Variants in CDK17 observed in about 807,000 individuals in gnomAD.
CDK17 encodes cyclin-dependent kinase 17.
Under a neutral mutation model 77.6 loss-of-function variants are expected in CDK17, and 24 were observed. The observed-to-expected ratio is 0.31, with a 90% confidence interval of 0.22 to 0.44. The LOEUF is 0.44. Among genes scored for constraint, CDK17 ranks in the 20% least tolerant of loss-of-function variants. The probability of loss-of-function intolerance (pLI) is 1.00; values close to 1 mark genes in which losing one functional copy is unlikely to be tolerated. For missense variants in CDK17, 429 were observed against 622.5 expected, an observed-to-expected ratio of 0.69 and a Z score of 3.31; for synonymous variants, 203 against 210.4, an observed-to-expected ratio of 0.96 and a Z score of 0.30.
chr12:96,378,984 A>G (rs1341964034), intron 1 of CDK17, among the ~76,000 whole-genome samples: 1 of 152,238 alleles, frequency 6.6e-6, no homozygotes, highest in East Asian at 1.9e-4. Flanking sequence ...TCCCAAAAAA[A>G]TAAGTTTAAT....
intron 13 of CDK17, among the ~76,000 whole-genome samples, chr12:96,284,030 G>A (rs939882571): frequency 6.6e-6 from 1 of 152,236 alleles, no homozygotes. Flanking sequence ...GGTGAAAACA[G>A]AGACAAGTGA....
chr12:96,343,057 G>C (rs1487999550), intron 1 of CDK17, among the ~76,000 whole-genome samples: 1 of 152,150 alleles, frequency 6.6e-6, no homozygotes, highest in African/African-American at 2.4e-5. Flanking sequence ...TAGAAAAAAA[G>C]AAATGTACCA....
chr12:96,332,874 G>T (rs1360047592), intron 2 of CDK17, among the ~76,000 whole-genome samples: 1 of 152,048 alleles, frequency 6.6e-6, no homozygotes, highest in Admixed American at 6.5e-5. Context: ...TAAAAACAAA[G>T]CATGTTTTAT....
chr12:96,374,930 C>A (rs914354759), intron 1 of CDK17, among the ~76,000 whole-genome samples: 1 of 152,216 alleles, frequency 6.6e-6, no homozygotes, highest in African/African-American at 2.4e-5. Context: ...TCCACATCAG[C>A]ACCAGTTCAT....
At chr12:96,391,752 T>C (rs1263328377) in intron 1 of CDK17, among the ~76,000 whole-genome samples, 2 of 152,184 alleles carry the variant, frequency 1.3e-5, no homozygotes, top group African/African-American at 4.8e-5. Flanking sequence ...TTCTCTCCAT[T>C]TTCACTAACA....
chr12:96,391,119 A>T (rs927479267), intron 1 of CDK17, among the ~76,000 whole-genome samples: 13 of 152,034 alleles, frequency 8.6e-5, no homozygotes, highest in African/African-American at 1.2e-4. Flanking sequence ...CTTCTAGTCA[A>T]CTGTATACAT....
chr12:96,392,904 TTA>T (rs1212127433), intron 1 of CDK17, among the ~76,000 whole-genome samples: 1 of 152,242 alleles, frequency 6.6e-6, no homozygotes, highest in African/African-American at 2.4e-5. Context: ...TGCTGTTATC[TTA>T]TATGTTACAA....
intron 1 of CDK17, among the ~76,000 whole-genome samples, chr12:96,397,938 G>T (rs1954197549): frequency 6.6e-6 from 1 of 152,172 alleles, no homozygotes; most frequent in Non-Finnish European, 1.5e-5. Context: ...ATGTTTGTAT[G>T]TCAACCCTTT....
In CDK17 at chr12:96,286,570, T is replaced by C. The variant is rs967068687; in HGVS notation, c.1216+94A>G. 7.5e-6 allele frequency: 6 copies of C among 795,750 alleles called. No homozygotes were observed. The African/African-American group carries it at 8.7e-5, about 12-fold the overall frequency. The allele number at this position is 795,750 out of a possible 1,614,324, so 49.3% of individuals were successfully genotyped here. ...TAACAGCTGTTTATGTTAGTCTCAG[T>C]ATCTAATTTTAAAATATGTATTTTA... On this transcript the variant is annotated intron_variant, in intron 12 of 16. Transcript: ENST00000261211.
intron 10 of CDK17, among the ~76,000 whole-genome samples, 156 bp from the exon 11 acceptor site, chr12:96,289,443 G>A (rs1353446002): frequency 6.6e-6 from 1 of 152,230 alleles, no homozygotes; most frequent in Non-Finnish European, 1.5e-5. Flanking sequence ...TTCGTTGAGT[G>A]CATGTGGCCC....
At chr12:96,330,375 T>A (rs1471991930) in intron 2 of CDK17, among the ~76,000 whole-genome samples, 1 of 152,148 alleles carries the variant, frequency 6.6e-6, no homozygotes, top group Non-Finnish European at 1.5e-5. Flanking sequence ...TTTATTGAGA[T>A]GAAATTCTTA....
At chr12:96,394,430 C>A (rs921741719) in intron 1 of CDK17, among the ~76,000 whole-genome samples, 5 of 152,008 alleles carry the variant, frequency 3.3e-5, no homozygotes, top group African/African-American at 1.2e-4. Flanking sequence ...GGTCCTTTTC[C>A]CTTGTTTACA....
chr12:96,365,891 TTATTTTTAAAAACTAGGTTTA>T (rs1953576563), intron 1 of CDK17, among the ~76,000 whole-genome samples: 1 of 152,192 alleles, frequency 6.6e-6, no homozygotes, highest in Non-Finnish European at 1.5e-5. Context: ...AAAAAAGTTT[TTATTTTTAAAAACTAGGTTTA>T]TATGAGCAGA....
At chr12:96,373,360 A>G (rs1164228555) in intron 1 of CDK17, among the ~76,000 whole-genome samples, 2 of 152,158 alleles carry the variant, frequency 1.3e-5, no homozygotes, top group African/African-American at 4.8e-5. Flanking sequence ...TGGGAGGCCT[A>G]GGCAGGCGGA....
chr12:96,351,289 A>C (rs1592747318), intron 1 of CDK17, among the ~76,000 whole-genome samples: 1 of 147,462 alleles, frequency 6.8e-6, no homozygotes, highest in East Asian at 2.0e-4. Context: ...TAATCATATG[A>C]CCCAGCAACT....
intron 1 of CDK17, among the ~76,000 whole-genome samples, chr12:96,345,041 A>C (rs1340314710): frequency 1.3e-5 from 2 of 151,984 alleles, no homozygotes; most frequent in African/African-American, 2.4e-5. Flanking sequence ...ATATGTTCTC[A>C]CTGTTCACCT....
rs938446485 is a variant in CDK17, at chr12:96,288,586, C to T, written c.1118+581G>A. Reference sequence around the variant, plus strand: ...TAAGTTGGAAAAGGTAGTTTAGAGACATCTTATGGAAATCCTTAAGTATCA... The same window carrying T: ...TAAGTTGGAAAAGGTAGTTTAGAGATATCTTATGGAAATCCTTAAGTATCA... On this transcript the variant is annotated intron_variant, in intron 11 of 16. Transcript: ENST00000261211. Among the ~76,000 whole-genome samples the T allele has an allele frequency of 1.1e-4, 16 of 152,256 alleles. No homozygotes were observed. The East Asian group carries it at 1.2e-3, about 11-fold the overall frequency.
chr12:96,282,285 C>CT, intron 15 of CDK17: 1 of 435,318 alleles, frequency 2.3e-6, no homozygotes, highest in Middle Eastern at 3.4e-4. Context: ...TGCCTAAGTA[C>CT]TATTGGTTTC....
chr12:96,297,260 GA>G lies in CDK17; in HGVS notation c.873+9del. On this transcript the variant is annotated intron_variant, in intron 9 of 16. Coordinates refer to ENST00000261211, the MANE Select transcript of CDK17 (RefSeq NM_002595.5). Reference sequence around the variant, plus strand: ...CAAAATTTAAAAATTACACACGCAAGAAAACATACCTTTACGTTGTGCATAC... The same window carrying G: ...CAAAATTTAAAAATTACACACGCAAGAAACATACCTTTACGTTGTGCATAC... The G allele has an allele frequency of 6.3e-7, 1 of 1,589,394 alleles. No individual in the cohort carries two copies. Among genetic ancestry groups the G allele is most frequent in the Non-Finnish European group, 8.6e-7 (1 of 1,161,236 alleles).
Sources: allele counts gnomAD v4.1 joint callset (sites outside exome capture counted in the v4.1 genomes callset), GRCh38; gene constraint gnomAD v4.1.1; transcripts MANE v1.5; gene names NCBI Gene and HGNC (gene_info 2026-07-23, HGNC 2026-07-21).